The following STARD4 variants were observed in gnomAD, a reference collection of about 807,000 sequenced individuals.
STARD4 encodes the protein StAR related lipid transfer domain containing 4.
Under a neutral mutation model 24.9 loss-of-function variants are expected in STARD4, and 33 were observed. That is an observed-to-expected ratio of 1.32 (90% CI 1.00 to 1.77). STARD4 has a LOEUF of 1.77. Ranked by LOEUF, STARD4 falls within the 40% of genes most tolerant of loss-of-function variation. The probability of loss-of-function intolerance (pLI) is 0.00; values close to 1 mark genes in which losing one functional copy is unlikely to be tolerated. For synonymous variants in STARD4, 88 were observed against 77.4 expected, an observed-to-expected ratio of 1.14 and a Z score of -0.72; for missense variants, 238 against 249.3, an observed-to-expected ratio of 0.95 and a Z score of 0.31.
At chr5:111,508,940 A>C (rs1757052929) in intron 1 of STARD4, among the ~76,000 whole-genome samples, 1 of 152,172 alleles carries the variant, frequency 6.6e-6, no homozygotes, top group Admixed American at 6.5e-5. Flanking sequence ...TTATGTAGAA[A>C]CATGGGAAAG....
At position 111,497,429 on chromosome 5, in the gene STARD4, C is replaced by G. The variant is rs1410469258; in HGVS notation, c.*2457G>C. 2 of 151,984 alleles carry G rather than the reference C, an allele frequency of 1.3e-5. No individual in the cohort carries two copies. Among genetic ancestry groups the G allele is most frequent in the Non-Finnish European group, 2.9e-5 (2 of 67,912 alleles). The allele number at this position is 151,984 out of a possible 1,614,324, so 9.4% of individuals were successfully genotyped here. ...TGCTATAGGACTGTGCTATTCAATA[C>G]AGTATCCACTGGCCTCATGTGGCTA... On this transcript the variant is annotated 3_prime_UTR_variant, in exon 6 of 6. Coordinates refer to ENST00000296632, the MANE Select transcript of STARD4 (RefSeq NM_139164.3).
Position 111,500,087 on chromosome 5 carries a change from A to T in STARD4, c.417T>A (p.Asp139Glu). The change falls in exon 6 of 6, where the codon GAT (aspartate) becomes GAA (glutamate). Residue 139 changes from aspartate to glutamate, a missense_variant. Physicochemically the swap from Asp to Glu is conservative, Grantham distance 45. Coordinates refer to ENST00000296632, the MANE Select transcript of STARD4 (RefSeq NM_139164.3). Reference sequence around the variant, plus strand: ...CTCGAACAAATTCTGGTCTCTTTTCATCCCAGTCAAGACTTATTCCTATAA... The same window carrying T: ...CTCGAACAAATTCTGGTCTCTTTTCTTCCCAGTCAAGACTTATTCCTATAA... ...LLSCGISLDW[D>E]EKRPEFVRGY... is the part of the protein sequence containing the mutation. 1 of 1,612,610 alleles carries T rather than the reference A, an allele frequency of 6.2e-7. No homozygotes were observed. Among genetic ancestry groups the T allele is most frequent in the Non-Finnish European group, 8.5e-7 (1 of 1,178,776 alleles).
At position 111,501,993 on chromosome 5, in the gene STARD4, G is replaced by A; in HGVS notation, c.251C>T (p.Thr84Ile). ...AAAGTTCTCCAGAATATCCAAAGAA[G>A]TCATCAAGCTGTCCCAATCCAAACG... The part of the protein sequence containing the change: ...PCRLDWDSLM[T>I]SLDILENFEE... Residue 84 changes from threonine to isoleucine, a missense_variant, in exon 4 of 6, where the codon ACT (threonine) becomes ATT (isoleucine). Coordinates refer to ENST00000296632, the MANE Select transcript of STARD4 (RefSeq NM_139164.3). 1 of 1,614,048 alleles carries A rather than the reference G, an allele frequency of 6.2e-7. No individual in the cohort carries two copies. The highest frequency in any genetic ancestry group is 8.5e-7 in the Non-Finnish European group (1 of 1,179,996).
intron 5 of STARD4, 26 bp from the exon 6 acceptor site, chr5:111,500,132 C>A: frequency 6.5e-7 from 1 of 1,548,668 alleles, no homozygotes; most frequent in South Asian, 1.2e-5. Context: ...TAAAATAGCA[C>A]TATTAATAGC....
intron 3 of STARD4, among the ~76,000 whole-genome samples, chr5:111,505,746 G>A (rs74395116): frequency 6.6e-6 from 1 of 152,084 alleles, no homozygotes; most frequent in Non-Finnish European, 1.5e-5. Flanking sequence ...CTGAGTAAAT[G>A]TAGAATATTA....
At chr5:111,510,525 C>T (rs1219612775) in intron 1 of STARD4, among the ~76,000 whole-genome samples, 1 of 152,210 alleles carries the variant, frequency 6.6e-6, no homozygotes, top group Non-Finnish European at 1.5e-5. Context: ...TCAGAGAGAA[C>T]AGGCACCACT....
chr5:111,500,118 T>C lies in STARD4; in HGVS notation c.398-12A>G, dbSNP rs772122340. The C allele has an allele frequency of 6.3e-7, 1 of 1,584,008 alleles. No individual in the cohort carries two copies. The highest frequency in any genetic ancestry group is 1.1e-5 in the South Asian group (1 of 87,448). ...GTCAAGACTTATTCCTATAAGGCAATTTTTAAAATAGCACTATTAATAGCA... is the reference window on the plus strand; with the variant it reads ...GTCAAGACTTATTCCTATAAGGCAACTTTTAAAATAGCACTATTAATAGCA... On this transcript the variant is annotated splice_polypyrimidine_tract_variant and intron_variant, in intron 5 of 5. Coordinates refer to ENST00000296632, the MANE Select transcript of STARD4 (RefSeq NM_139164.3).
At chr5:111,500,737 C>G in intron 5 of STARD4, 2 of 1,409,492 alleles carry the variant, frequency 1.4e-6, no homozygotes, top group Non-Finnish European at 1.8e-6. Flanking sequence ...TACTAGAACC[C>G]TTTCTTAGAG....
intron 3 of STARD4, 22 bp from the exon 4 acceptor site, chr5:111,502,110 C>G (rs1336939941): frequency 6.2e-7 from 1 of 1,605,298 alleles, no homozygotes; most frequent in Non-Finnish European, 8.5e-7. Flanking sequence ...AAGTTTAAGT[C>G]AACCGCTGTT....
rs1186995931 is a variant in STARD4 at position 111,498,590 on chromosome 5, G to C, written c.*1296C>G. On this transcript the variant is annotated 3_prime_UTR_variant, in exon 6 of 6. Coordinates refer to ENST00000296632, the MANE Select transcript of STARD4 (RefSeq NM_139164.3). Reference sequence around the variant, plus strand: ...TACTGAGTTTTCTTTCACTATTGCAGAACAAAAAAAAAGAAGAAACCTAGT... The same window carrying C: ...TACTGAGTTTTCTTTCACTATTGCACAACAAAAAAAAAGAAGAAACCTAGT... 2 of 151,062 alleles carry C rather than the reference G, an allele frequency of 1.3e-5. No homozygotes were observed. The highest frequency in any genetic ancestry group is 4.9e-5 in the African/African-American group (2 of 41,226). The allele number at this position is 151,062 out of a possible 1,614,324, so 9.4% of individuals were successfully genotyped here. A position where few individuals can be genotyped will look rare whatever the true frequency, so the allele number is the denominator to read the frequency against.
chr5:111,507,397 T>C lies in STARD4; in HGVS notation c.37A>G (p.Lys13Glu). 1.9e-6 allele frequency: 3 copies of C among 1,613,688 alleles called. No individual in the cohort carries two copies. The highest frequency in any genetic ancestry group is 2.5e-6 in the Non-Finnish European group (3 of 1,179,792). Residue 13 changes from lysine to glutamate, a missense_variant, in exon 2 of 6, where the codon AAA (lysine) becomes GAA (glutamate). Physicochemically the swap from Lys to Glu is moderately conservative, Grantham distance 56 (BLOSUM62 1). Coordinates refer to ENST00000296632, the MANE Select transcript of STARD4 (RefSeq NM_139164.3). The surrounding 1 kb of genome is among the most constrained non-coding windows in gnomAD (Gnocchi z 4.4). Reference sequence around the variant, plus strand: ...TACTGGATGAGAGTGTTTTTAAGTTTAGTTGCAAAAGAAGCAACATCAGAC... The same window carrying C: ...TACTGGATGAGAGTGTTTTTAAGTTCAGTTGCAAAAGAAGCAACATCAGAC... ...GLSDVASFAT[K>E]LKNTLIQYHS...
At chr5:111,502,619 C>T (rs2112549652) in intron 3 of STARD4, among the ~76,000 whole-genome samples, 1 of 151,110 alleles carries the variant, frequency 6.6e-6, no homozygotes, top group Admixed American at 6.6e-5. Context: ...CATGCAGAAA[C>T]CCAGTCTGTA....
At chr5:111,502,732 G>A (rs894837936) in intron 3 of STARD4, among the ~76,000 whole-genome samples, 4 of 151,826 alleles carry the variant, frequency 2.6e-5, no homozygotes, top group African/African-American at 7.3e-5. Context: ...GGCGGAGGTT[G>A]AGGTGAGCCG....
chr5:111,499,790 A>G lies in STARD4; in HGVS notation c.*96T>C. On this transcript the variant is annotated 3_prime_UTR_variant, in exon 6 of 6. Transcript: ENST00000296632. ...AACCAAAAACATTTCAAATTTTTCTACCGGCTATGCAGAAAAGTGGAATCA... is the reference window on the plus strand; with the variant it reads ...AACCAAAAACATTTCAAATTTTTCTGCCGGCTATGCAGAAAAGTGGAATCA... The G allele has an allele frequency of 2.6e-6, 3 of 1,147,056 alleles. No homozygotes were observed. In the South Asian group the frequency reaches 4.5e-5, roughly 17 times the overall value. 71.1% of individuals were successfully genotyped at this position (1,147,056 alleles called of 1,614,324 possible).
At position 111,506,365 on chromosome 5, in the gene STARD4, A is replaced by C; in HGVS notation, c.120T>G (p.Val40=). The C allele has an allele frequency of 6.7e-7, 1 of 1,499,378 alleles. No homozygotes were observed. Among genetic ancestry groups the C allele is most frequent in the Non-Finnish European group, 9.2e-7 (1 of 1,088,324 alleles). 92.9% of individuals were successfully genotyped at this position (1,499,378 alleles called of 1,614,324 possible). A position where few individuals can be genotyped will look rare whatever the true frequency, so the allele number is the denominator to read the frequency against. The change falls in exon 3 of 6, where the codon GTT becomes GTG. Residue 40 remains valine, a synonymous_variant. Coordinates refer to ENST00000296632, the MANE Select transcript of STARD4 (RefSeq NM_139164.3). ...RVAKKTKDVT[V]WRKPSEEFNG... is the part of the protein sequence containing the mutation. Reference sequence around the variant, plus strand: ...TAAATTCTTCTGAGGGTTTTCTCCAAACAGTTACATCTTTCTAGAAAAATA... The same window carrying C: ...TAAATTCTTCTGAGGGTTTTCTCCACACAGTTACATCTTTCTAGAAAAATA...
chr5:111,504,963 C>CTGCG (rs1756739884), intron 3 of STARD4: 5 of 447,072 alleles, frequency 1.1e-5, no homozygotes, highest in Non-Finnish European at 1.3e-5. Flanking sequence ...GACTTCTGTG[C>CTGCG]TGCGGCCTCA....
chr5:111,509,389 G>A (rs1355610069), intron 1 of STARD4, among the ~76,000 whole-genome samples: 1 of 152,094 alleles, frequency 6.6e-6, no homozygotes, highest in Non-Finnish European at 1.5e-5. Flanking sequence ...TACCTAGAAA[G>A]CTAGCTACCT....
rs1756279773 is a variant in STARD4, at chr5:111,499,643, A to G, written c.*243T>C. 4.0e-6 allele frequency: 2 copies of G among 497,470 alleles called. No individual in the cohort carries two copies. Among genetic ancestry groups the G allele is most frequent in the Admixed American group, 3.5e-5 (1 of 28,902 alleles). 30.8% of individuals were successfully genotyped at this position (497,470 alleles called of 1,614,324 possible). A position where few individuals can be genotyped will look rare whatever the true frequency, so the allele number is the denominator to read the frequency against. On this transcript the variant is annotated 3_prime_UTR_variant, in exon 6 of 6. Coordinates refer to ENST00000296632, the MANE Select transcript of STARD4 (RefSeq NM_139164.3). ...AGCTGCAGTGAGCTGTGATCATACC[A>G]CTGCCCTCCAGCATGGGCAACAGAG...
In STARD4 at chr5:111,507,715, G is replaced by C. The variant is rs187451274; in HGVS notation, c.-9-273C>G. On this transcript the variant is annotated intron_variant, in intron 1 of 5. Transcript: ENST00000296632. This position sits in a 1 kb window ranked among gnomAD's most constrained non-coding sequence, Gnocchi z 4.4. The stretch of plus-strand genomic sequence containing the variant: ...CATACAGAAAGTAGAAGAGAAGACA[G>C]GAGGAAGGGGAAGCAATTGTATCTC... 7.9e-4 allele frequency among the ~76,000 whole-genome samples: 121 copies of C among 152,266 alleles called. No homozygotes were observed. Among genetic ancestry groups the C allele is most frequent in the African/African-American group, 2.8e-3 (117 of 41,548 alleles).
Sources: gnomAD v4.1 joint callset for allele counts (sites outside exome capture counted in the v4.1 genomes callset) on GRCh38, gnomAD v4.1.1 for gene constraint, Gnocchi (gnomAD v3.1) non-coding constraint, MANE v1.5 for transcripts, NCBI Gene and HGNC (gene_info 2026-07-23, HGNC 2026-07-21) for gene names.